CYP4X1: variants seen among roughly 807,000 people sequenced by gnomAD.
CYP4X1 encodes the protein cytochrome P450 family 4 subfamily X member 1.
CYP4X1 carries 44 observed loss-of-function variants against 57.9 expected under a neutral mutation model. The ratio of observed to expected loss-of-function variants is 0.76; its 90% confidence interval spans 0.60 to 0.98. The LOEUF is 0.98. CYP4X1 is among the 50% of genes least tolerant of loss of function. CYP4X1 has a pLI of 0.00. For synonymous variants in CYP4X1, 227 were observed against 228.6 expected, an observed-to-expected ratio of 0.99 and a Z score of 0.06; for missense variants, 532 against 623.9, an observed-to-expected ratio of 0.85 and a Z score of 1.57.
the CYP4X1 span, chr1:47,001,023 G>A: frequency 4.4e-6 from 1 of 228,850 alleles, no homozygotes; most frequent in Non-Finnish European, 1.0e-5. Context: ...GCTTAAAGTT[G>A]AGTAGGGTCA....
the CYP4X1 span, among the ~76,000 whole-genome samples, chr1:46,984,776 G>A: frequency 6.6e-6 from 1 of 152,166 alleles, no homozygotes; most frequent in Admixed American, 6.5e-5. Flanking sequence ...CACAAAAGTG[G>A]GTGGACATTT....
At chr1:46,975,203 T>A in the CYP4X1 span, among the ~76,000 whole-genome samples, 1 of 152,218 alleles carries the variant, frequency 6.6e-6, no homozygotes, top group Non-Finnish European at 1.5e-5. Flanking sequence ...GTGCCTTTGA[T>A]CCTGTCATCA....
chr1:46,967,776 C>G, the CYP4X1 span: 3 of 1,354,824 alleles, frequency 2.2e-6, no homozygotes, highest in Non-Finnish European at 2.9e-6. Flanking sequence ...CGACCGGGAT[C>G]CTGGTGGGAT....
chr1:47,040,126 G>A (rs1483457191), intron 8 of CYP4X1, among the ~76,000 whole-genome samples: 1 of 152,116 alleles, frequency 6.6e-6, no homozygotes, highest in African/African-American at 2.4e-5. Flanking sequence ...TAATACAGGA[G>A]ACAGGAGACA....
the CYP4X1 span, among the ~76,000 whole-genome samples, chr1:46,975,884 AT>A: frequency 6.6e-6 from 1 of 151,734 alleles, no homozygotes; most frequent in Non-Finnish European, 1.5e-5. Context: ...CTTTATTTTT[AT>A]TTGAGTTAAT....
chr1:47,046,183 T>G (rs915056765), intron 8 of CYP4X1, among the ~76,000 whole-genome samples: 1 of 152,210 alleles, frequency 6.6e-6, no homozygotes, highest in African/African-American at 2.4e-5. Flanking sequence ...TATGATGAGC[T>G]AAGAGTTACA....
the CYP4X1 span, among the ~76,000 whole-genome samples, chr1:46,989,235 A>T: frequency 6.6e-6 from 1 of 152,204 alleles, no homozygotes; most frequent in Admixed American, 6.5e-5. Flanking sequence ...AAAAATCACA[A>T]GCATTCCTAC....
At chr1:46,968,337 C>G in the CYP4X1 span, among the ~76,000 whole-genome samples, 2 of 152,176 alleles carry the variant, frequency 1.3e-5, no homozygotes, top group African/African-American at 2.4e-5. Flanking sequence ...CCCCTTTCTC[C>G]ACACTGAAGC....
At chr1:47,035,727 G>A in intron 4 of CYP4X1, 79 bp from the exon 5 acceptor site, 2 of 1,533,614 alleles carry the variant, frequency 1.3e-6, no homozygotes. Flanking sequence ...CATAAAAACA[G>A]GGCCAGGCAG....
chr1:47,047,913 A>G lies in CYP4X1; in HGVS notation c.1208-652A>G, dbSNP rs554195437. Among the ~76,000 whole-genome samples the G allele has an allele frequency of 7.9e-5, 12 of 152,072 alleles. 1 individual carries two copies. In the South Asian group the frequency reaches 2.5e-3, roughly 32 times the overall value. On this transcript the variant is annotated intron_variant, in intron 9 of 11. Transcript: ENST00000371901. ...CACCCAGCCAGTTCTGTGCTTTTATACCTAAATTGTCTCCAGGAGTGCTTA... is the reference window on the plus strand; with the variant it reads ...CACCCAGCCAGTTCTGTGCTTTTATGCCTAAATTGTCTCCAGGAGTGCTTA...
the CYP4X1 span, among the ~76,000 whole-genome samples, chr1:46,963,000 T>C: frequency 3.3e-5 from 5 of 152,234 alleles, no homozygotes; most frequent in African/African-American, 1.2e-4. Flanking sequence ...CCTTTACCAT[T>C]ATATAATGGC....
chr1:46,975,467 T>G, the CYP4X1 span, among the ~76,000 whole-genome samples: 1 of 151,626 alleles, frequency 6.6e-6, no homozygotes, highest in African/African-American at 2.4e-5. Flanking sequence ...GGATTTCTTT[T>G]CTTTAAGGGT....
At chr1:47,002,125 G>A in the CYP4X1 span, among the ~76,000 whole-genome samples, 1 of 152,202 alleles carries the variant, frequency 6.6e-6, no homozygotes, top group South Asian at 2.1e-4. Flanking sequence ...GTGAAAGAAC[G>A]GATAAGGGAG....
intron 11 of CYP4X1, 22 bp downstream of exon 11, chr1:47,049,526 T>C: frequency 6.2e-7 from 1 of 1,600,576 alleles, no homozygotes; most frequent in South Asian, 1.1e-5. Flanking sequence ...TTGAAGTTGC[T>C]GAAAGTACCC....
the CYP4X1 span, among the ~76,000 whole-genome samples, chr1:46,994,899 TTTA>T: frequency 1.3e-5 from 2 of 152,202 alleles, no homozygotes; most frequent in Admixed American, 6.5e-5. Context: ...TGTGGCTGCT[TTTA>T]TTATTACCTG....
In CYP4X1 at chr1:47,036,051, C is replaced by T. The variant is rs1421181073; in HGVS notation, c.655C>T (p.Leu219Phe). The part of the protein sequence containing the change: ...HDPYAKAIFE[L>F]SKIIFHRLYS... ...TCCTTATGCAAAAGCCATATTTGAA[C>T]TCAGCAAAATCATATTTCACCGCTT... The change falls in exon 6 of 12, where the codon CTC (leucine) becomes TTC (phenylalanine). Residue 219 changes from leucine to phenylalanine, a missense_variant. By Grantham distance (22) the Leu-to-Phe change is conservative. Coordinates refer to ENST00000371901, the MANE Select transcript of CYP4X1 (RefSeq NM_178033.2). The T allele has an allele frequency of 3.1e-6, 5 of 1,613,466 alleles. No homozygotes were observed.
chr1:46,979,196 T>C, the CYP4X1 span, among the ~76,000 whole-genome samples: 163 of 152,200 alleles, frequency 1.1e-3, 1 homozygote, highest in Non-Finnish European at 6.0e-4. Context: ...AGCTGGTTTT[T>C]TGAAAAGATC....
At chr1:47,033,451 G>A (rs1188750723) in intron 4 of CYP4X1, 83 bp downstream of exon 4, 2 of 1,514,226 alleles carry the variant, frequency 1.3e-6, no homozygotes, top group East Asian at 2.3e-5. Flanking sequence ...TGTGGGCCAT[G>A]AAAATAAAAA....
chr1:46,961,899 G>C, the CYP4X1 span: 2 of 703,702 alleles, frequency 2.8e-6, no homozygotes, highest in African/African-American at 3.8e-5. Flanking sequence ...GTTGCTTTTT[G>C]GGGAGTCAGA....
Sources: allele counts gnomAD v4.1 joint callset (sites outside exome capture counted in the v4.1 genomes callset), GRCh38; gene constraint gnomAD v4.1.1; transcripts MANE v1.5; gene names NCBI Gene and HGNC (gene_info 2026-07-23, HGNC 2026-07-21).